The following GABRG2 variants were observed in gnomAD, a reference collection of about 807,000 sequenced individuals.
The protein encoded by GABRG2 is gamma-aminobutyric acid receptor subunit gamma-2.
In GABRG2, 16 loss-of-function variants were observed where a neutral mutation model predicts 56.4. The ratio of observed to expected loss-of-function variants is 0.28; its 90% confidence interval spans 0.19 to 0.43. The LOEUF (loss-of-function observed/expected upper bound fraction) is 0.43. GABRG2 is among the 20% of genes least tolerant of loss of function. The pLI is 1.00. For synonymous variants in GABRG2, 208 were observed against 205.5 expected, an observed-to-expected ratio of 1.01 and a Z score of -0.10; for missense variants, 327 against 582.7, an observed-to-expected ratio of 0.56 and a Z score of 4.52.
chr5:162,131,619 A>G (rs1221139803), intron 6 of GABRG2, among the ~76,000 whole-genome samples: 2 of 152,000 alleles, frequency 1.3e-5, no homozygotes, highest in Non-Finnish European at 2.9e-5. Context: ...TGCAAGATTT[A>G]TAATTATTAA....
At chr5:162,098,604 C>T (rs993566134) in intron 4 of GABRG2, 31 of 152,078 alleles carry the variant, frequency 2.0e-4, no homozygotes, top group African/African-American at 5.8e-4. Flanking sequence ...ATCAGACATC[C>T]GACTTTGGTT....
At chr5:162,128,192 C>T (rs78447120) in intron 6 of GABRG2, 17,503 of 152,044 alleles carry the variant, frequency 0.12, 1,075 homozygotes, top group South Asian at 0.13. Flanking sequence ...GGTGGCTGCA[C>T]GCCAAGCCAA....
At chr5:162,076,614 G>T (rs1446968459) in intron 1 of GABRG2, among the ~76,000 whole-genome samples, 1 of 152,140 alleles carries the variant, frequency 6.6e-6, no homozygotes, top group African/African-American at 2.4e-5. Flanking sequence ...TTTTCCCAAA[G>T]ACATTGTAAA....
At chr5:162,147,512 C>T (rs1205539945) in intron 7 of GABRG2, among the ~76,000 whole-genome samples, 1 of 151,988 alleles carries the variant, frequency 6.6e-6, no homozygotes, top group Non-Finnish European at 1.5e-5. Context: ...TTACAGGCAC[C>T]CACCACCAAG....
At chr5:162,078,641 C>T (rs967739300) in intron 1 of GABRG2, among the ~76,000 whole-genome samples, 4 of 151,000 alleles carry the variant, frequency 2.6e-5, no homozygotes, top group Admixed American at 2.6e-4. Flanking sequence ...TCCTGACCTC[C>T]TGATCCACCC....
chr5:162,132,333 C>G (rs909427061), intron 6 of GABRG2, among the ~76,000 whole-genome samples: 9 of 151,946 alleles, frequency 5.9e-5, no homozygotes, highest in African/African-American at 2.2e-4. Context: ...GTGGATAAGG[C>G]ATCTGTTTTT....
At chr5:162,104,395 C>G (rs1258441859) in intron 6 of GABRG2, among the ~76,000 whole-genome samples, 1 of 151,976 alleles carries the variant, frequency 6.6e-6, no homozygotes, top group Non-Finnish European at 1.5e-5. Context: ...TTTACAAATG[C>G]AGAAAAGTAA....
At chr5:162,083,216 G>A (rs1561637896) in intron 1 of GABRG2, among the ~76,000 whole-genome samples, 1 of 151,636 alleles carries the variant, frequency 6.6e-6, no homozygotes, top group Non-Finnish European at 1.5e-5. Context: ...TCACCATAGA[G>A]CAATATGAAT....
chr5:162,102,323 CCTTTCTTTT>C (rs1425500737), intron 5 of GABRG2: 1 of 326,948 alleles, frequency 3.1e-6, no homozygotes, highest in South Asian at 2.5e-5. Context: ...GATAAGCCTT[CCTTTCTTTT>C]AATACTCCAA....
chr5:162,115,945 A>C (rs1271472080), intron 6 of GABRG2, among the ~76,000 whole-genome samples: 1 of 152,020 alleles, frequency 6.6e-6, no homozygotes, highest in Non-Finnish European at 1.5e-5. Context: ...TATGATGCTC[A>C]TTTTCCAGAT....
At chr5:162,150,572 A>C (rs1581457227) in intron 8 of GABRG2, 1 of 152,344 alleles carries the variant, frequency 6.6e-6, no homozygotes, top group South Asian at 2.1e-4. Context: ...TTCCCTTCCA[A>C]GATATGGGCA....
chr5:162,098,091 G>A (rs1761135938), intron 4 of GABRG2: 1 of 544,716 alleles, frequency 1.8e-6, no homozygotes, highest in Non-Finnish European at 3.3e-6. Context: ...CACAACTGCT[G>A]TGAAAACTAT....
chr5:162,078,285 G>A (rs1231204603), intron 1 of GABRG2, among the ~76,000 whole-genome samples: 2 of 142,522 alleles, frequency 1.4e-5, no homozygotes, highest in African/African-American at 5.3e-5. Flanking sequence ...ATAGTGTTAT[G>A]CCACATTAAA....
At chr5:162,098,372 T>G (rs1408642883) in intron 4 of GABRG2, 1 of 154,252 alleles carries the variant, frequency 6.5e-6, no homozygotes, top group East Asian at 1.9e-4. Flanking sequence ...ATCTTGGGAA[T>G]AGACATGGGA....
At position 162,110,657 on chromosome 5, in the gene GABRG2, CA is replaced by C. The variant is rs1232371711; in HGVS notation, c.769+6636del. 2.3e-4 allele frequency among the ~76,000 whole-genome samples: 34 copies of C among 149,532 alleles called. No homozygotes were observed. The East Asian group carries it at 4.5e-3, about 20-fold the overall frequency. On this transcript the variant is annotated intron_variant, in intron 6 of 9. Coordinates refer to ENST00000639213, the MANE Select transcript of GABRG2 (RefSeq NM_198904.4). The stretch of plus-strand genomic sequence containing the variant: ...ACAACAACAACAACAACAACAACAA[CA>C]AAAACTAAATGAAAATAAAACCTAA...
rs373255623 is a variant in GABRG2 at position 162,073,960 on chromosome 5, C to T, written c.107+5854C>T. On this transcript the variant is annotated intron_variant, in intron 1 of 9. Coordinates refer to ENST00000639213, the MANE Select transcript of GABRG2 (RefSeq NM_198904.4). Reference sequence around the variant, plus strand: ...CCCTCCTTGAATTCATAGCGCAATACATCACATTGCACAAGTATAGTCACC... The same window carrying T: ...CCCTCCTTGAATTCATAGCGCAATATATCACATTGCACAAGTATAGTCACC... Among the ~76,000 whole-genome samples the T allele has an allele frequency of 5.4e-4, 82 of 151,990 alleles. 1 individual carries two copies. The East Asian group carries it at 0.013, about 24-fold the overall frequency.
chr5:162,117,883 A>AATG (rs1190926262), intron 6 of GABRG2, among the ~76,000 whole-genome samples: 2 of 152,038 alleles, frequency 1.3e-5, no homozygotes, highest in South Asian at 2.1e-4. Context: ...TGGTGATGAT[A>AATG]ATGATGATGA....
At chr5:162,095,863 C>T (rs1471556878) in intron 3 of GABRG2, among the ~76,000 whole-genome samples, 1 of 151,954 alleles carries the variant, frequency 6.6e-6, no homozygotes, top group Non-Finnish European at 1.5e-5. Flanking sequence ...GGATATAGTA[C>T]TCAACTACTT....
At chr5:162,128,193 G>A (rs1263315102) in intron 6 of GABRG2, 2 of 152,070 alleles carry the variant, frequency 1.3e-5, no homozygotes, top group Non-Finnish European at 2.9e-5. Flanking sequence ...GTGGCTGCAC[G>A]CCAAGCCAAA....
Sources: allele counts gnomAD v4.1 joint callset (sites outside exome capture counted in the v4.1 genomes callset), GRCh38; gene constraint gnomAD v4.1.1; transcripts MANE v1.5; gene names NCBI Gene and HGNC (gene_info 2026-07-23, HGNC 2026-07-21).